Variants in NDST4 observed in about 807,000 individuals in gnomAD.
The protein encoded by NDST4 is N-deacetylase and N-sulfotransferase 4.
NDST4 carries 63 observed loss-of-function variants against 100.8 expected under a neutral mutation model. The observed-to-expected ratio is 0.62, with a 90% confidence interval of 0.51 to 0.77. NDST4 has a LOEUF of 0.77. Ranked by LOEUF, NDST4 falls within the 30% of genes least tolerant of loss-of-function variation. The pLI is 0.00. For missense variants in NDST4, 943 were observed against 1,018.4 expected, an observed-to-expected ratio of 0.93 and a Z score of 1.01; for synonymous variants, 377 against 361.8, an observed-to-expected ratio of 1.04 and a Z score of -0.48.
At chr4:115,035,365 T>C (rs1728211186) in intron 2 of NDST4, among the ~76,000 whole-genome samples, 1 of 151,972 alleles carries the variant, frequency 6.6e-6, no homozygotes, top group Non-Finnish European at 1.5e-5. Context: ...GCGCTATAAA[T>C]TGTGGAAAGA....
intron 6 of NDST4, among the ~76,000 whole-genome samples, chr4:114,890,737 C>T (rs1008024009): frequency 6.6e-6 from 1 of 152,078 alleles, no homozygotes; most frequent in Non-Finnish European, 1.5e-5. Context: ...GTGGTACTCT[C>T]ATTTGTCCTC....
intron 2 of NDST4, among the ~76,000 whole-genome samples, chr4:115,017,446 T>A (rs1483479542): frequency 6.6e-6 from 1 of 152,044 alleles, no homozygotes; most frequent in African/African-American, 2.4e-5. Flanking sequence ...AAAACATTGT[T>A]ACATAGAATA....
intron 6 of NDST4, among the ~76,000 whole-genome samples, chr4:114,894,930 A>C (rs1370455642): frequency 6.6e-6 from 1 of 152,146 alleles, no homozygotes; most frequent in Non-Finnish European, 1.5e-5. Context: ...TACCTAGTTT[A>C]TTGAGAGTTT....
chr4:115,076,878 A>G lies in NDST4; in HGVS notation c.159T>C (p.Thr53=). ...ACCTATATGGTAGAATTTTGATGTCAGTGCATTCTGCTTCTGCAGTGGTTT... is the reference window on the plus strand; with the variant it reads ...ACCTATATGGTAGAATTTTGATGTCGGTGCATTCTGCTTCTGCAGTGGTTT... ...LIETTAEAEC[T]DIKILPYRSM... Residue 53 remains threonine (T), a synonymous_variant, in exon 2 of 14, where the codon ACT becomes ACC. Transcript: ENST00000264363. 26 of 1,613,860 alleles carry G rather than the reference A, an allele frequency of 1.6e-5. No individual in the cohort carries two copies. The highest frequency in any genetic ancestry group is 2.2e-5 in the Non-Finnish European group (26 of 1,179,888).
intron 7 of NDST4, among the ~76,000 whole-genome samples, chr4:114,866,651 G>T (rs935811050): frequency 2.0e-5 from 3 of 152,082 alleles, no homozygotes; most frequent in African/African-American, 7.2e-5. Flanking sequence ...CATTCTTTAA[G>T]GTTTGCAGGA....
At chr4:115,022,494 T>TATATATATATGTTCCATATATATGTTCC (rs1727879084) in intron 2 of NDST4, among the ~76,000 whole-genome samples, 1 of 86,096 alleles carries the variant, frequency 1.2e-5, no homozygotes, top group African/African-American at 4.2e-5. Flanking sequence ...ATATGTTCCA[T>TATATATATATGTTCCATATATATGTTCC]ATATATATAT....
In NDST4 at chr4:115,077,215, G is replaced by C. The variant is rs1578504871; in HGVS notation, c.-179C>G. The C allele has an allele frequency of 1.7e-6, 1 of 572,844 alleles. No homozygotes were observed. Among genetic ancestry groups the C allele is most frequent in the South Asian group, 2.2e-5 (1 of 45,320 alleles). 35.5% of individuals were successfully genotyped at this position (572,844 alleles called of 1,614,324 possible). ...AAGCTGGAAGGCAATAGATGGGAAGGATATACGTTGAGGAGATTTTGAATA... is the reference window on the plus strand; with the variant it reads ...AAGCTGGAAGGCAATAGATGGGAAGCATATACGTTGAGGAGATTTTGAATA... On this transcript the variant is annotated 5_prime_UTR_variant, in exon 2 of 14. It adds an upstream start codon to the 5' untranslated region. Coordinates refer to ENST00000264363, the MANE Select transcript of NDST4 (RefSeq NM_022569.3).
chr4:115,027,713 T>A (rs1404233742), intron 2 of NDST4, among the ~76,000 whole-genome samples: 1 of 152,142 alleles, frequency 6.6e-6, no homozygotes, highest in African/African-American at 2.4e-5. Context: ...TTTAATATCA[T>A]GTTAAAACAC....
intron 4 of NDST4, among the ~76,000 whole-genome samples, chr4:114,947,915 CT>C (rs1297098177): frequency 6.6e-6 from 1 of 151,942 alleles, no homozygotes; most frequent in Non-Finnish European, 1.5e-5. Context: ...CCGGGGATGC[CT>C]GTGTATGTGA....
At chr4:114,945,203 C>G (rs532436239) in intron 4 of NDST4, among the ~76,000 whole-genome samples, 201 of 88,390 alleles carry the variant, frequency 2.3e-3, no homozygotes, top group African/African-American at 7.8e-3. Flanking sequence ...AATGAAACTC[C>G]GTCTCAAAAA....
At chr4:114,972,602 T>G (rs1371054561) in intron 3 of NDST4, among the ~76,000 whole-genome samples, 1 of 152,074 alleles carries the variant, frequency 6.6e-6, no homozygotes, top group Non-Finnish European at 1.5e-5. Context: ...GAGGTGTTTA[T>G]ATGTTTCTCA....
intron 2 of NDST4, among the ~76,000 whole-genome samples, chr4:114,993,650 A>G (rs1402351125): frequency 6.6e-6 from 1 of 151,926 alleles, no homozygotes; most frequent in Admixed American, 6.6e-5. Flanking sequence ...CCAAATGATG[A>G]AGGCAACTGC....
intron 4 of NDST4, among the ~76,000 whole-genome samples, chr4:114,966,829 A>C (rs1726393236): frequency 6.6e-6 from 1 of 152,142 alleles, no homozygotes; most frequent in Admixed American, 6.5e-5. Flanking sequence ...GATCAGTAGC[A>C]TTATCTGGTC....
At chr4:115,022,413 G>A (rs1220614437) in intron 2 of NDST4, among the ~76,000 whole-genome samples, 16 of 75,432 alleles carry the variant, frequency 2.1e-4, no homozygotes, top group South Asian at 7.7e-4. Flanking sequence ...CCATATATAT[G>A]TGTTCCATAT....
intron 2 of NDST4, among the ~76,000 whole-genome samples, chr4:115,024,916 C>T (rs4834447): frequency 0.31 from 47,277 of 152,044 alleles, 7,517 homozygotes; most frequent in South Asian, 0.53. Flanking sequence ...CTGGCATCAT[C>T]GGTGTGAGTT....
chr4:115,060,551 TTCAATATTTA>T (rs1728797883), intron 2 of NDST4, among the ~76,000 whole-genome samples: 1 of 151,976 alleles, frequency 6.6e-6, no homozygotes, highest in African/African-American at 2.4e-5. Flanking sequence ...AGGATAGAGT[TTCAATATTTA>T]AAATAAATTA....
At chr4:114,831,923 G>A (rs981420225) in intron 12 of NDST4, among the ~76,000 whole-genome samples, 2 of 152,090 alleles carry the variant, frequency 1.3e-5, no homozygotes, top group Non-Finnish European at 2.9e-5. Flanking sequence ...ATAACTGTTA[G>A]GCAACTTTTA....
At chr4:114,994,792 A>C (rs1727124665) in intron 2 of NDST4, among the ~76,000 whole-genome samples, 1 of 152,026 alleles carries the variant, frequency 6.6e-6, no homozygotes. Context: ...AAAAAACATT[A>C]ATGGCTTTCA....
chr4:114,890,105 GAGTAGTTAACCATGGAAATTGTT>G (rs879309812), intron 6 of NDST4, among the ~76,000 whole-genome samples: 9,675 of 152,012 alleles, frequency 0.064, 887 homozygotes, highest in African/African-American at 0.2. Flanking sequence ...TACAAATTTT[GAGTAGTTAACCATGGAAATTGTT>G]AGTAGTTAAC....
Sources: allele counts gnomAD v4.1 joint callset (sites outside exome capture counted in the v4.1 genomes callset), GRCh38; gene constraint gnomAD v4.1.1; transcripts MANE v1.5; gene names NCBI Gene and HGNC (gene_info 2026-07-23, HGNC 2026-07-21).